PPP2R3A: variants seen among roughly 807,000 people sequenced by gnomAD.
PPP2R3A encodes the protein protein phosphatase 2 regulatory subunit B''alpha, also known as serine/threonine-protein phosphatase 2A regulatory subunit B'' subunit alpha.
Under a neutral mutation model 106.9 loss-of-function variants are expected in PPP2R3A, and 80 were observed. That is an observed-to-expected ratio of 0.75 (90% CI 0.62 to 0.90). PPP2R3A has a LOEUF of 0.90. Ranked by LOEUF, PPP2R3A falls within the 40% of genes least tolerant of loss-of-function variation. The pLI is 0.00. For missense variants in PPP2R3A, 1,386 were observed against 1,350.4 expected, an observed-to-expected ratio of 1.03 and a Z score of -0.41; for synonymous variants, 483 against 468.3, an observed-to-expected ratio of 1.03 and a Z score of -0.41.
intron 1 of PPP2R3A, among the ~76,000 whole-genome samples, chr3:135,997,292 A>G: frequency 6.6e-6 from 1 of 151,966 alleles, no homozygotes; most frequent in South Asian, 2.1e-4. Flanking sequence ...TTTTTCCTGG[A>G]CCTCTTAGTA....
chr3:136,075,009 A>G (rs935706561), intron 6 of PPP2R3A, among the ~76,000 whole-genome samples: 2 of 152,360 alleles, frequency 1.3e-5, no homozygotes, highest in East Asian at 1.9e-4. Context: ...GGCTTCCAGC[A>G]TTGGAGTTTG....
chr3:136,096,570 A>G (rs1210460161), intron 10 of PPP2R3A, among the ~76,000 whole-genome samples: 1 of 152,252 alleles, frequency 6.6e-6, no homozygotes, highest in Non-Finnish European at 1.5e-5. Flanking sequence ...GCTAGATATC[A>G]TCTCCAGGAG....
chr3:135,968,420 A>G (rs895463437), intron 1 of PPP2R3A, among the ~76,000 whole-genome samples: 1 of 152,210 alleles, frequency 6.6e-6, no homozygotes, highest in Non-Finnish European at 1.5e-5. Context: ...AACAGGAGTT[A>G]CTAGGTGAAG....
At chr3:136,097,307 C>G (rs1298085330) in intron 10 of PPP2R3A, among the ~76,000 whole-genome samples, 1 of 152,176 alleles carries the variant, frequency 6.6e-6, no homozygotes, top group Non-Finnish European at 1.5e-5. Flanking sequence ...CCAGCCCCTG[C>G]TGCTAAACTT....
intron 13 of PPP2R3A, among the ~76,000 whole-genome samples, chr3:136,120,719 TA>T (rs1270167956): frequency 6.6e-6 from 1 of 151,680 alleles, no homozygotes. Context: ...ATAAGGAACT[TA>T]AAAAAATCAA....
chr3:136,126,619 A>G (rs1485701120), intron 13 of PPP2R3A, among the ~76,000 whole-genome samples: 2 of 152,230 alleles, frequency 1.3e-5, no homozygotes, highest in African/African-American at 4.8e-5. Flanking sequence ...CCTGTCTGAC[A>G]GCTCTGAAGA....
intron 3 of PPP2R3A, among the ~76,000 whole-genome samples, chr3:136,034,596 T>C (rs1278584876): frequency 6.6e-6 from 1 of 152,232 alleles, no homozygotes. Flanking sequence ...GTGCTTGATA[T>C]AATTTCAACT....
intron 1 of PPP2R3A, among the ~76,000 whole-genome samples, chr3:135,999,496 G>A (rs1334571419): frequency 6.6e-6 from 1 of 152,086 alleles, no homozygotes; most frequent in African/African-American, 2.4e-5. Context: ...TAAAAAGGCA[G>A]AATTTGACAC....
Position 136,010,229 on chromosome 3 carries a change from A to C in PPP2R3A, c.1995+6736A>C, listed in dbSNP as rs1934002071. On this transcript the variant is annotated intron_variant, in intron 2 of 13. Transcript: ENST00000264977. ...TATTATTTCTATACATGAACCATCC[A>C]AGCTCCTGTCTTTTTCTTTTCTTTC... 3.3e-5 allele frequency among the ~76,000 whole-genome samples: 5 copies of C among 149,822 alleles called. No individual in the cohort carries two copies. The South Asian group carries it at 1.1e-3, about 32-fold the overall frequency.
At chr3:136,023,223 T>C in intron 2 of PPP2R3A, 1 of 1,531,244 alleles carries the variant, frequency 6.5e-7, no homozygotes, top group Non-Finnish European at 8.9e-7. Context: ...GGGTGTTTTG[T>C]TTTGTTTTGT....
chr3:135,999,249 A>T (rs766092973), intron 1 of PPP2R3A, among the ~76,000 whole-genome samples: 2 of 152,186 alleles, frequency 1.3e-5, no homozygotes, highest in Non-Finnish European at 2.9e-5. Flanking sequence ...TCTTCATGAG[A>T]TGGGTATTAT....
intron 4 of PPP2R3A, among the ~76,000 whole-genome samples, chr3:136,047,400 C>G (rs999049288): frequency 1.3e-5 from 2 of 152,178 alleles, no homozygotes; most frequent in African/African-American, 4.8e-5. Flanking sequence ...CATACATGCC[C>G]ATCAATGGTG....
intron 3 of PPP2R3A, among the ~76,000 whole-genome samples, chr3:136,033,981 A>T (rs1233594025): frequency 6.9e-6 from 1 of 145,572 alleles, no homozygotes; most frequent in Non-Finnish European, 1.5e-5. Context: ...TAATTCCTTG[A>T]GGTGTGACCT....
At chr3:136,118,023 C>G (rs1339736857) in intron 13 of PPP2R3A, among the ~76,000 whole-genome samples, 1 of 152,162 alleles carries the variant, frequency 6.6e-6, no homozygotes, top group Non-Finnish European at 1.5e-5. Flanking sequence ...GAAAGCTTAT[C>G]CACCATGATC....
chr3:136,135,473 C>T (rs1465110467), intron 13 of PPP2R3A, among the ~76,000 whole-genome samples: 1 of 152,112 alleles, frequency 6.6e-6, no homozygotes, highest in Non-Finnish European at 1.5e-5. Context: ...GAAAGAATCA[C>T]AGATATGTCA....
At chr3:135,969,139 T>C (rs974082798) in intron 1 of PPP2R3A, among the ~76,000 whole-genome samples, 1 of 152,236 alleles carries the variant, frequency 6.6e-6, no homozygotes, top group Non-Finnish European at 1.5e-5. Context: ...TATATGTGTA[T>C]ATATTTGTAA....
chr3:136,137,930 C>T (rs1037747924), intron 13 of PPP2R3A, among the ~76,000 whole-genome samples: 1 of 152,048 alleles, frequency 6.6e-6, no homozygotes, highest in African/African-American at 2.4e-5. Flanking sequence ...TTAGAGCAAT[C>T]GTCCAGGAAT....
At chr3:136,104,351 G>C (rs111597091) in intron 12 of PPP2R3A, among the ~76,000 whole-genome samples, 4,966 of 151,870 alleles carry the variant, frequency 0.033, 292 homozygotes, top group African/African-American at 0.11. Context: ...TTGTTGCCCA[G>C]GCTGGAGTGC....
chr3:135,973,855 A>G (rs184487405), intron 1 of PPP2R3A, among the ~76,000 whole-genome samples: 36 of 152,220 alleles, frequency 2.4e-4, no homozygotes, highest in Non-Finnish European at 4.7e-4. Flanking sequence ...TATAAGACCA[A>G]ACTCTCTTGA....
Sources: gnomAD v4.1 joint callset for allele counts (sites outside exome capture counted in the v4.1 genomes callset) on GRCh38, gnomAD v4.1.1 for gene constraint, MANE v1.5 for transcripts, NCBI Gene and HGNC (gene_info 2026-07-23, HGNC 2026-07-21) for gene names.